The following SBF2 variants were observed in gnomAD, a reference collection of about 807,000 sequenced individuals.
SBF2 encodes myotubularin-related protein 13.
Under a neutral mutation model 225.2 loss-of-function variants are expected in SBF2, and 112 were observed. That is an observed-to-expected ratio of 0.50 (90% CI 0.43 to 0.58). SBF2 has a LOEUF of 0.58. Among genes scored for constraint, SBF2 ranks in the 20% least tolerant of loss-of-function variants. SBF2 has a pLI of 0.00. For missense variants in SBF2, 1,996 were observed against 2,206.2 expected, an observed-to-expected ratio of 0.90 and a Z score of 1.91; for synonymous variants, 763 against 773.3, an observed-to-expected ratio of 0.99 and a Z score of 0.22.
chr11:9,818,780 G>A (rs1393225887), intron 28 of SBF2, among the ~76,000 whole-genome samples: 1 of 152,184 alleles, frequency 6.6e-6, no homozygotes, highest in East Asian at 1.9e-4. Context: ...GGAGTGCAAT[G>A]GCGTGATCTC....
At chr11:10,163,639 C>G (rs1232770327) in intron 2 of SBF2, among the ~76,000 whole-genome samples, 1 of 152,000 alleles carries the variant, frequency 6.6e-6, no homozygotes, top group Non-Finnish European at 1.5e-5. Context: ...TTAAAGTAAA[C>G]TAAAAGAAAT....
rs1325732470 is a variant in SBF2 at position 9,795,342 on chromosome 11, G to C, written c.4570+489C>G. On this transcript the variant is annotated intron_variant, in intron 33 of 39. Transcript: ENST00000256190. ...GTGATCATCATGGCCCTGACAGGTG[G>C]GATGGTATTACTGTCCTTGTTTTAA... 3.3e-5 allele frequency among the ~76,000 whole-genome samples: 5 copies of C among 152,180 alleles called. No homozygotes were observed. In the East Asian group the frequency reaches 9.6e-4, roughly 29 times the overall value.
chr11:10,277,132 C>CAAAA (rs11310738), intron 1 of SBF2, among the ~76,000 whole-genome samples: 14 of 73,488 alleles, frequency 1.9e-4, no homozygotes, highest in African/African-American at 5.1e-4. Context: ...GACCCCATCT[C>CAAAA]AAAAAAAAAA....
chr11:10,041,302 T>C (rs1232632122), intron 3 of SBF2, among the ~76,000 whole-genome samples: 1 of 152,116 alleles, frequency 6.6e-6, no homozygotes. Flanking sequence ...TGGCAACATA[T>C]ATCCAAACAT....
intron 16 of SBF2, among the ~76,000 whole-genome samples, chr11:9,923,186 ACTT>A (rs1318872382): frequency 1.3e-5 from 2 of 152,128 alleles, no homozygotes; most frequent in Non-Finnish European, 2.9e-5. Flanking sequence ...GGAAGCCTGT[ACTT>A]CTTCCCCAAA....
chr11:10,261,032 C>T (rs11042698), intron 1 of SBF2, among the ~76,000 whole-genome samples: 3,274 of 152,236 alleles, frequency 0.022, 91 homozygotes, highest in African/African-American at 0.065. Context: ...ACAGACCCTT[C>T]ACCAAAGAGC....
chr11:10,038,292 T>C (rs995673835), intron 3 of SBF2, among the ~76,000 whole-genome samples: 1 of 151,952 alleles, frequency 6.6e-6, no homozygotes, highest in Non-Finnish European at 1.5e-5. Flanking sequence ...ACCTATCAAA[T>C]GGTGTTTTGT....
intron 16 of SBF2, among the ~76,000 whole-genome samples, chr11:9,898,394 G>A (rs1382577074): frequency 6.6e-6 from 1 of 152,124 alleles, no homozygotes; most frequent in African/African-American, 2.4e-5. Context: ...TATAAGGCTG[G>A]GCACGGTGGT....
At position 9,856,740 on chromosome 11, in the gene SBF2, A is replaced by G. The variant is rs368652712; in HGVS notation, c.2101-20T>C. 28 of 1,611,072 alleles carry G rather than the reference A, an allele frequency of 1.7e-5. No individual in the cohort carries two copies. The highest frequency in any genetic ancestry group is 2.3e-5 in the Non-Finnish European group (27 of 1,178,880). On this transcript the variant is annotated intron_variant, in intron 18 of 39. Transcript: ENST00000256190. The stretch of plus-strand genomic sequence containing the variant: ...CTTATCCTAAAAAATAAAGCAACAC[A>G]ATCCAAAAGAGAACCATCACTTCAG...
At chr11:10,155,281 A>G (rs1411012974) in intron 2 of SBF2, among the ~76,000 whole-genome samples, 1 of 152,170 alleles carries the variant, frequency 6.6e-6, no homozygotes. Flanking sequence ...AGAGAATAGT[A>G]AAATGTAAGA....
At chr11:10,041,305 C>G (rs1949645094) in intron 3 of SBF2, among the ~76,000 whole-genome samples, 1 of 152,058 alleles carries the variant, frequency 6.6e-6, no homozygotes, top group African/African-American at 2.4e-5. Context: ...CAACATATAT[C>G]CAAACATTAT....
At chr11:10,121,058 G>A (rs1044282819) in intron 2 of SBF2, among the ~76,000 whole-genome samples, 8 of 152,148 alleles carry the variant, frequency 5.3e-5, no homozygotes, top group African/African-American at 1.2e-4. Context: ...GAGCCATCAC[G>A]CCCCGCCTGT....
chr11:10,039,555 G>A (rs1364673875), intron 3 of SBF2, among the ~76,000 whole-genome samples: 1 of 151,828 alleles, frequency 6.6e-6, no homozygotes, highest in Non-Finnish European at 1.5e-5. Flanking sequence ...CCTTTTGTAA[G>A]GTGATCGTAA....
intron 17 of SBF2, among the ~76,000 whole-genome samples, chr11:9,879,257 A>T (rs1023838482): frequency 6.6e-6 from 1 of 152,268 alleles, no homozygotes; most frequent in Non-Finnish European, 1.5e-5. Context: ...TAATCTATTC[A>T]TAAAGTTCTT....
chr11:9,791,985 A>T (rs1465428665), intron 33 of SBF2, among the ~76,000 whole-genome samples: 5 of 152,364 alleles, frequency 3.3e-5, no homozygotes, highest in South Asian at 4.1e-4. Flanking sequence ...ATGTACACAT[A>T]TAAGGAACAT....
At chr11:9,972,634 C>T (rs909160128) in intron 13 of SBF2, among the ~76,000 whole-genome samples, 3 of 152,162 alleles carry the variant, frequency 2.0e-5, no homozygotes, top group Admixed American at 1.3e-4. Context: ...GTGTGCACCA[C>T]CACGCCTGGC....
At chr11:9,869,379 C>T (rs973807851) in intron 17 of SBF2, among the ~76,000 whole-genome samples, 25 of 151,934 alleles carry the variant, frequency 1.6e-4, no homozygotes, top group African/African-American at 5.3e-4. Context: ...AGTGCAGTGG[C>T]GCGATCTCAG....
chr11:9,977,642 G>A (rs1212485900), intron 13 of SBF2, among the ~76,000 whole-genome samples: 1 of 152,140 alleles, frequency 6.6e-6, no homozygotes, highest in Non-Finnish European at 1.5e-5. Context: ...AGGTGTTGCC[G>A]ATAATCTCTG....
At chr11:10,291,527 T>C (rs1964156349) in intron 1 of SBF2, among the ~76,000 whole-genome samples, 2 of 152,150 alleles carry the variant, frequency 1.3e-5, no homozygotes, top group African/African-American at 4.8e-5. Context: ...CGAGCTCCCC[T>C]TTCTGGTCTC....
Sources: allele counts gnomAD v4.1 joint callset (sites outside exome capture counted in the v4.1 genomes callset), GRCh38; gene constraint gnomAD v4.1.1; transcripts MANE v1.5; gene names NCBI Gene and HGNC (gene_info 2026-07-23, HGNC 2026-07-21).